Variants in SARDH observed in about 807,000 individuals in gnomAD.
SARDH encodes sarcosine dehydrogenase.
Under a neutral mutation model 109.1 loss-of-function variants are expected in SARDH, and 95 were observed. That is an observed-to-expected ratio of 0.87 (90% CI 0.74 to 1.03). SARDH has a LOEUF of 1.03. Among genes scored for constraint, SARDH ranks in the 50% least tolerant of loss-of-function variants. SARDH has a pLI of 0.00. For missense variants in SARDH, 1,267 were observed against 1,287.8 expected, an observed-to-expected ratio of 0.98 and a Z score of 0.25; for synonymous variants, 572 against 534.8, an observed-to-expected ratio of 1.07 and a Z score of -0.96.
chr9:133,675,114 T>C (rs1462500987), intron 17 of SARDH, among the ~76,000 whole-genome samples: 1 of 151,898 alleles, frequency 6.6e-6, no homozygotes, highest in African/African-American at 2.4e-5. Flanking sequence ...GAGACCAAGG[T>C]GGGAGGACCA....
downstream of SARDH, among the ~76,000 whole-genome samples, chr9:133,662,296 C>T (rs1044593473): frequency 6.6e-6 from 1 of 152,192 alleles, no homozygotes; most frequent in Non-Finnish European, 1.5e-5. The surrounding 1 kb of genome is among the most constrained non-coding windows in gnomAD (Gnocchi z 5.1). Flanking sequence ...TCCCCTCATC[C>T]TCAGCCTTCC....
intron 19 of SARDH, among the ~76,000 whole-genome samples, chr9:133,669,347 C>G (rs986700359): frequency 8.3e-6 from 1 of 120,760 alleles, no homozygotes; most frequent in African/African-American, 3.4e-5. Flanking sequence ...CTCCCTCTCC[C>G]TCCCCTCGTC....
intron 17 of SARDH, among the ~76,000 whole-genome samples, chr9:133,681,896 T>TC (rs1830708141): frequency 2.0e-5 from 3 of 151,128 alleles, no homozygotes; most frequent in Non-Finnish European, 3.0e-5. Flanking sequence ...ATGTCCCACC[T>TC]CCCCTGTGTT....
At chr9:133,696,477 T>C in intron 13 of SARDH, 116 bp from the exon 14 acceptor site, 1 of 1,320,870 alleles carries the variant, frequency 7.6e-7, no homozygotes, top group African/African-American at 1.4e-5. Flanking sequence ...CTCCCCTCCC[T>C]CTCTTCCAGC....
chr9:133,722,315 T>A (rs79185633), intron 6 of SARDH, among the ~76,000 whole-genome samples: 1,877 of 151,470 alleles, frequency 0.012, 16 homozygotes, highest in South Asian at 0.018. Flanking sequence ...TTTTTTTTTT[T>A]AAAGCCTCAA....
At chr9:133,685,164 C>T in intron 17 of SARDH, 29 bp downstream of exon 17, 3 of 1,603,752 alleles carry the variant, frequency 1.9e-6, no homozygotes, top group South Asian at 1.1e-5. Context: ...CCACCCACGA[C>T]CCAGAGGACG....
chr9:133,694,206 T>C, intron 15 of SARDH, 52 bp downstream of exon 15: 1 of 1,343,076 alleles, frequency 7.4e-7, no homozygotes, highest in Non-Finnish European at 1.0e-6. Flanking sequence ...CAACCACCAG[T>C]CCACAGAGCA....
At chr9:133,684,355 A>G (rs1305371824) in intron 17 of SARDH, among the ~76,000 whole-genome samples, 1 of 152,252 alleles carries the variant, frequency 6.6e-6, no homozygotes. Context: ...AGCCGCCCGC[A>G]CTATGGCGAG....
At position 133,732,518 on chromosome 9, in the gene SARDH, C is replaced by T; in HGVS notation, c.415G>A (p.Glu139Lys). 6.2e-7 allele frequency: 1 copy of T among 1,613,992 alleles called. No homozygotes were observed. Among genetic ancestry groups the T allele is most frequent in the Non-Finnish European group, 8.5e-7 (1 of 1,179,944 alleles). ...CAGCCCGTGTGTAGTCCCGTCTCCT[C>T]CTCCAGCTCCCGGCTCACCACCCGC... ...TRRVVSRELE[E>K]ETGLHTGWIQ... Residue 139 changes from glutamate to lysine, a missense_variant, in exon 3 of 21, where the codon GAG becomes AAG. By Grantham distance (56) the Glu-to-Lys change is moderately conservative. Transcript: ENST00000439388.
chr9:133,714,347 G>A (rs575486570), intron 8 of SARDH, among the ~76,000 whole-genome samples: 1 of 152,344 alleles, frequency 6.6e-6, no homozygotes, highest in East Asian at 1.9e-4. Context: ...GCCACTGCAG[G>A]GGAGGGTGGA....
chr9:133,736,543 A>C (rs540257868), intron 1 of SARDH, among the ~76,000 whole-genome samples: 7 of 152,248 alleles, frequency 4.6e-5, no homozygotes, highest in Admixed American at 4.6e-4. Flanking sequence ...TTATAGGTGC[A>C]TGCCACCATG....
chr9:133,676,511 T>A (rs1190634188), intron 17 of SARDH, among the ~76,000 whole-genome samples: 2 of 152,220 alleles, frequency 1.3e-5, no homozygotes, highest in African/African-American at 4.8e-5. Context: ...ACTCCTTTTC[T>A]TCATGGGAAA....
chr9:133,709,928 C>A lies in SARDH; in HGVS notation c.1329-1500G>T, dbSNP rs909331353. On this transcript the variant is annotated intron_variant, in intron 10 of 20. Transcript: ENST00000439388. The surrounding 1 kb of genome is among the most constrained non-coding windows in gnomAD (Gnocchi z 4.2). ...GAGCTGAAGGAGGGGGTGATGGAGC[C>A]AGTGAAGGTCTGGGAGGATTCTTGG... Among the ~76,000 whole-genome samples, 11 of 152,122 alleles carry A rather than the reference C, an allele frequency of 7.2e-5. No individual in the cohort carries two copies. Among genetic ancestry groups the A allele is most frequent in the African/African-American group, 2.7e-4 (11 of 41,424 alleles).
chr9:133,718,580 C>G lies in SARDH; in HGVS notation c.1020+358G>C. ...CCCAGAAGCTGCCCGGGAAACAGCC[C>G]AGGCCAGGGGAAATGCCGCTGCAGC... On this transcript the variant is annotated intron_variant, in intron 7 of 20. Coordinates refer to ENST00000439388, the MANE Select transcript of SARDH (RefSeq NM_001134707.2). The surrounding 1 kb of genome is among the most constrained non-coding windows in gnomAD (Gnocchi z 4.2). The G allele has an allele frequency of 1.3e-6, 1 of 751,426 alleles. No individual in the cohort carries two copies. The highest frequency in any genetic ancestry group is 1.7e-5 in the Admixed American group (1 of 58,296). 46.5% of individuals were successfully genotyped at this position (751,426 alleles called of 1,614,324 possible). A position where few individuals can be genotyped will look rare whatever the true frequency, so the allele number is the denominator to read the frequency against.
In SARDH at chr9:133,670,110, C is replaced by T. The variant is rs575921690; in HGVS notation, c.2495+474G>A. On this transcript the variant is annotated intron_variant, in intron 19 of 20. Transcript: ENST00000439388. ...TTGGGAGGCCGAGGCAGGCAGATCA[C>T]GAGGTCAGGAGAGTTCAAGACCAGC... Among the ~76,000 whole-genome samples, 62 of 152,244 alleles carry T rather than the reference C, an allele frequency of 4.1e-4. 1 individual carries two copies. Among genetic ancestry groups the T allele is most frequent in the Middle Eastern group, 3.4e-3 (1 of 294 alleles).
intron 14 of SARDH, among the ~76,000 whole-genome samples, chr9:133,695,075 T>C (rs1347120068): frequency 6.6e-6 from 1 of 152,146 alleles, no homozygotes; most frequent in African/African-American, 2.4e-5. Context: ...GGGAGTGTGA[T>C]CTTATTTGGA....
intron 8 of SARDH, among the ~76,000 whole-genome samples, chr9:133,716,584 GGGGCAGAGCCTTCCA>G (rs1390170333): frequency 1.6e-4 from 24 of 151,374 alleles, no homozygotes; most frequent in Non-Finnish European, 2.2e-4. Flanking sequence ...CCCGCCCCCT[GGGGCAGAGCCTTCCA>G]GGCTCCCCAG....
intron 17 of SARDH, among the ~76,000 whole-genome samples, chr9:133,684,243 C>T (rs1830805615): frequency 6.6e-6 from 1 of 152,212 alleles, no homozygotes; most frequent in African/African-American, 2.4e-5. Flanking sequence ...GGGCGGCAGC[C>T]AGGGAGGCGG....
At chr9:133,711,155 ATCC>A (rs1831903776) in intron 10 of SARDH, among the ~76,000 whole-genome samples, 1 of 152,232 alleles carries the variant, frequency 6.6e-6, no homozygotes, top group South Asian at 2.1e-4. Context: ...ATGAGCAAAC[ATCC>A]TGTCTGCTGA....
Sources: allele counts gnomAD v4.1 joint callset (sites outside exome capture counted in the v4.1 genomes callset), GRCh38; gene constraint gnomAD v4.1.1; non-coding constraint Gnocchi (gnomAD v3.1); transcripts MANE v1.5; gene names NCBI Gene and HGNC (gene_info 2026-07-23, HGNC 2026-07-21).